RASSF8: variants seen among roughly 807,000 people sequenced by gnomAD.
RASSF8 encodes ras association domain-containing protein 8.
A neutral mutation model predicts 48.5 loss-of-function variants in RASSF8; 22 were observed. That is an observed-to-expected ratio of 0.45 (90% CI 0.32 to 0.65). The LOEUF (loss-of-function observed/expected upper bound fraction) is 0.65. RASSF8 is among the 30% of genes least tolerant of loss of function. The probability of loss-of-function intolerance (pLI) is 0.03; values close to 1 mark genes in which losing one functional copy is unlikely to be tolerated. For synonymous variants in RASSF8, 127 were observed against 171.5 expected (o/e 0.74, Z 2.03); for missense variants, 418 against 489.2 (o/e 0.85, Z 1.37).
chr12:26,064,339 G>A (rs75845123), intron 3 of RASSF8, among the ~76,000 whole-genome samples, 159 bp from the exon 4 acceptor site: 4,769 of 152,190 alleles, frequency 0.031, 87 homozygotes, highest in African/African-American at 0.055. Flanking sequence ...TGAGGGGTTT[G>A]GTATCTTCAA....
intron 2 of RASSF8, among the ~76,000 whole-genome samples, chr12:26,038,467 A>T (rs1592295988): frequency 6.6e-6 from 1 of 152,282 alleles, no homozygotes; most frequent in East Asian, 1.9e-4. Context: ...TTGGCTTTTA[A>T]ATGTATCTTC....
chr12:26,010,729 G>A (rs539354521), intron 2 of RASSF8, among the ~76,000 whole-genome samples: 1 of 152,246 alleles, frequency 6.6e-6, no homozygotes, highest in South Asian at 2.1e-4. Flanking sequence ...AATGCTTCTG[G>A]GCTGAACAAT....
At chr12:25,986,927 T>TTTTTTG (rs1555160456) in intron 1 of RASSF8, among the ~76,000 whole-genome samples, 2 of 62,922 alleles carry the variant, frequency 3.2e-5, no homozygotes, top group Non-Finnish European at 7.2e-5. Context: ...GTTTTTTTTT[T>TTTTTTG]TTGTTTGTTT....
Position 26,071,296 on chromosome 12 carries a change from A to C in RASSF8, c.*2478A>C. On this transcript the variant is annotated 3_prime_UTR_variant, in exon 6 of 6. Transcript: ENST00000689635. ...TAGATAAGTGCCACATCCTGGATAC[A>C]TTTCGGAGGGGTAGTGGGCAATGGT... 1 of 983,484 alleles carries C rather than the reference A, an allele frequency of 1.0e-6. No homozygotes were observed. Among genetic ancestry groups the C allele is most frequent in the East Asian group, 1.1e-4 (1 of 8,810 alleles). The allele number at this position is 983,484 out of a possible 1,614,324, so 60.9% of individuals were successfully genotyped here.
intron 2 of RASSF8, among the ~76,000 whole-genome samples, chr12:26,022,995 C>T (rs1942824196): frequency 6.6e-6 from 1 of 152,192 alleles, no homozygotes; most frequent in African/African-American, 2.4e-5. Context: ...GATCACCCAC[C>T]TCGGCCTCCC....
intron 2 of RASSF8, among the ~76,000 whole-genome samples, chr12:26,036,695 G>T (rs1384526392): frequency 6.6e-6 from 1 of 152,018 alleles, no homozygotes; most frequent in East Asian, 1.9e-4. Context: ...ATCACCTGAG[G>T]TCAGGAGTTC....
chr12:25,970,251 G>A (rs1236933551), intron 1 of RASSF8, among the ~76,000 whole-genome samples: 1 of 151,940 alleles, frequency 6.6e-6, no homozygotes, highest in African/African-American at 2.4e-5. Flanking sequence ...TGAATGTCCG[G>A]ATCTGTGCTC....
intron 2 of RASSF8, among the ~76,000 whole-genome samples, chr12:26,040,599 C>A (rs2137155766): frequency 6.6e-6 from 1 of 152,286 alleles, no homozygotes. Flanking sequence ...ATAGATACCT[C>A]TTGACTCTGA....
intron 3 of RASSF8, among the ~76,000 whole-genome samples, chr12:26,059,166 A>G (rs1377511515): frequency 2.6e-5 from 4 of 152,224 alleles, no homozygotes. Context: ...AAAATATGAC[A>G]AGGATGTATT....
chr12:26,038,608 A>AACACACACACAC lies in RASSF8; in HGVS notation c.-108-16591_-108-16580dup, dbSNP rs57536643. Among the ~76,000 whole-genome samples, 1,398 of 144,916 alleles carry AACACACACACAC rather than the reference A, an allele frequency of 9.6e-3. 13 individuals are homozygous for AACACACACACAC. Among genetic ancestry groups the AACACACACACAC allele is most frequent in the Admixed American group, 0.015 (212 of 14,308 alleles). On this transcript the variant is annotated intron_variant, in intron 2 of 5. Transcript: ENST00000689635. ...TTGTTTTTTAAAATGTTCTTATTAA[A>AACACACACACAC]ACACACACACACACACACACACACA... is the stretch of plus-strand genomic sequence containing the variant.
intron 2 of RASSF8, among the ~76,000 whole-genome samples, chr12:26,048,702 T>C (rs1441231450): frequency 6.6e-6 from 1 of 152,138 alleles, no homozygotes; most frequent in Non-Finnish European, 1.5e-5. Context: ...CTCTGTGCCT[T>C]CTTCCTCTCT....
In RASSF8 at chr12:25,986,042, G is replaced by A. The variant is rs2136926468; in HGVS notation, c.-202-8995G>A. ...ACAGGGCTATAAAAGTGAAGTGTTT[G>A]GTGAAGTTTTTTTCTATGCTGGCTT... On this transcript the variant is annotated intron_variant, in intron 1 of 5. Coordinates refer to ENST00000689635, the MANE Select transcript of RASSF8 (RefSeq NM_001394098.1). 1.3e-5 allele frequency among the ~76,000 whole-genome samples: 2 copies of A among 152,292 alleles called. 1 individual carries two copies. The highest frequency in any genetic ancestry group is 4.2e-4 in the South Asian group (2 of 4,816).
downstream of RASSF8, among the ~76,000 whole-genome samples, chr12:26,073,849 C>CACACATATAT (rs35014279): frequency 2.1e-5 from 3 of 144,192 alleles, no homozygotes; most frequent in African/African-American, 7.9e-5. Flanking sequence ...CACACACACA[C>CACACATATAT]ATATATATAT....
intron 2 of RASSF8, among the ~76,000 whole-genome samples, chr12:26,034,096 A>G (rs868688021): frequency 6.6e-6 from 1 of 152,020 alleles, no homozygotes; most frequent in Non-Finnish European, 1.5e-5. Context: ...AATACATGGC[A>G]GGGCAGGGAG....
At chr12:25,961,562 C>T (rs1344519732) in intron 1 of RASSF8, among the ~76,000 whole-genome samples, 1 of 152,172 alleles carries the variant, frequency 6.6e-6, no homozygotes, top group Non-Finnish European at 1.5e-5. Context: ...TTGGGTTGCA[C>T]GTGTGACTTT....
chr12:25,968,544 A>G (rs535222587), intron 1 of RASSF8, among the ~76,000 whole-genome samples: 1 of 152,036 alleles, frequency 6.6e-6, no homozygotes, highest in South Asian at 2.1e-4. Context: ...GGGTTTTACC[A>G]TGTTGGCCAG....
Position 26,033,648 on chromosome 12 carries a change from A to G in RASSF8, c.-108-21588A>G, listed in dbSNP as rs765312873. ...CATAAGATGAATAGTATCCATCTTC[A>G]TAGAAAGAAAGAAACGTAGAGCCAA... On this transcript the variant is annotated intron_variant, in intron 2 of 5. Coordinates refer to ENST00000689635, the MANE Select transcript of RASSF8 (RefSeq NM_001394098.1). Among the ~76,000 whole-genome samples the G allele has an allele frequency of 6.6e-4, 101 of 152,116 alleles. 1 individual carries two copies. Among genetic ancestry groups the G allele is most frequent in the Non-Finnish European group, 3.7e-4 (25 of 68,026 alleles).
intron 2 of RASSF8, among the ~76,000 whole-genome samples, chr12:26,012,689 T>C (rs1015397566): frequency 6.6e-6 from 1 of 150,728 alleles, no homozygotes; most frequent in African/African-American, 2.4e-5. Context: ...TTTCTTTTTT[T>C]TTTTTTTTTG....
At chr12:25,988,921 C>A (rs1160819807) in intron 1 of RASSF8, among the ~76,000 whole-genome samples, 2 of 152,016 alleles carry the variant, frequency 1.3e-5, no homozygotes, top group African/African-American at 4.8e-5. Flanking sequence ...GTTTAATTAC[C>A]TTTGTAATTT....
Sources: allele counts gnomAD v4.1 joint callset (sites outside exome capture counted in the v4.1 genomes callset), GRCh38; gene constraint gnomAD v4.1.1; transcripts MANE v1.5; gene names NCBI Gene and HGNC (gene_info 2026-07-23, HGNC 2026-07-21).